The following ETS1 variants were observed in gnomAD, a reference collection of about 807,000 sequenced individuals.
ETS1 encodes ETS proto-oncogene 1, transcription factor.
In ETS1, 15 loss-of-function variants were observed where a neutral mutation model predicts 58.6. That is an observed-to-expected ratio of 0.26 (90% confidence interval 0.17 to 0.39). ETS1 has a LOEUF of 0.39. ETS1 is among the 10% of genes least tolerant of loss of function. ETS1 has a pLI of 1.00. For missense variants in ETS1, 417 were observed against 610.5 expected, an observed-to-expected ratio of 0.68 and a Z score of 3.34; for synonymous variants, 214 against 218.2, an observed-to-expected ratio of 0.98 and a Z score of 0.17.
chr11:128,567,065 G>A (rs974680203), intron 2 of ETS1, among the ~76,000 whole-genome samples: 1 of 152,220 alleles, frequency 6.6e-6, no homozygotes, highest in Non-Finnish European at 1.5e-5. Context: ...GTACAAAAGA[G>A]GAATTGCCCA....
At chr11:128,508,840 T>C (rs1863312022) in intron 3 of ETS1, among the ~76,000 whole-genome samples, 1 of 152,172 alleles carries the variant, frequency 6.6e-6, no homozygotes. Context: ...GCACCAGCTT[T>C]TGGAAATTCA....
At chr11:128,491,325 C>T (rs1688022185) in intron 3 of ETS1, among the ~76,000 whole-genome samples, 1 of 151,980 alleles carries the variant, frequency 6.6e-6, no homozygotes, top group South Asian at 2.1e-4. Flanking sequence ...CTGATTCTTG[C>T]AGTAGATTCA....
intron 3 of ETS1, among the ~76,000 whole-genome samples, chr11:128,541,868 T>C (rs916549243): frequency 4.0e-4 from 61 of 152,188 alleles, no homozygotes; most frequent in African/African-American, 1.4e-3. Flanking sequence ...ATACAGGTAT[T>C]CACCAGTATC....
chr11:128,534,879 A>G (rs1424945740), intron 3 of ETS1, among the ~76,000 whole-genome samples: 1 of 152,232 alleles, frequency 6.6e-6, no homozygotes, highest in East Asian at 1.9e-4. Context: ...TATTGCTGCA[A>G]TGAACATACG....
chr11:128,530,478 A>G (rs1369960186), intron 3 of ETS1: 1 of 152,276 alleles, frequency 6.6e-6, no homozygotes, highest in African/African-American at 2.4e-5. Context: ...GTGAGAGGTA[A>G]TGACAGGTAA....
At position 128,462,105 on chromosome 11, in the gene ETS1, C is replaced by T. The variant is rs1317140772; in HGVS notation, c.*256G>A. 4.1e-6 allele frequency: 2 copies of T among 483,558 alleles called. No homozygotes were observed. Among genetic ancestry groups the T allele is most frequent in the African/African-American group, 1.9e-5 (1 of 52,272 alleles). The allele number at this position is 483,558 out of a possible 1,614,324, so 30.0% of individuals were successfully genotyped here. ...TCTCTGTTAAGCCAGAGCCTTCAAG[C>T]TTCTGAGAAGGCCCTTCTCCCTCTC... On this transcript the variant is annotated 3_prime_UTR_variant, in exon 10 of 10. Coordinates refer to ENST00000392668, the MANE Select transcript of ETS1 (RefSeq NM_001143820.2).
chr11:128,577,921 A>C (rs1221569100), intron 1 of ETS1, among the ~76,000 whole-genome samples: 2 of 151,846 alleles, frequency 1.3e-5, no homozygotes, highest in Non-Finnish European at 2.9e-5. Context: ...AAGCCAAAAA[A>C]AAAAAAAAGA....
At chr11:128,485,107 G>C in intron 6 of ETS1, 36 bp from the exon 7 acceptor site, 4 of 1,585,984 alleles carry the variant, frequency 2.5e-6, no homozygotes, top group Non-Finnish European at 3.4e-6. Flanking sequence ...AGAGAGGAGA[G>C]ATTTGTACCT....
chr11:128,536,819 A>G (rs1863979456), intron 3 of ETS1: 1 of 152,242 alleles, frequency 6.6e-6, no homozygotes, highest in Non-Finnish European at 1.5e-5. Flanking sequence ...CAATTAGCAG[A>G]CATTCATTTC....
In ETS1 at chr11:128,553,098, C is replaced by T. The variant is rs1864257799; in HGVS notation, c.214+3193G>A. ...TCTTGTGTAAGAGGCTCCATTGATT[C>T]ACAAGGTTCCCTAACAGAAGGATGA... On this transcript the variant is annotated intron_variant, in intron 3 of 9. Coordinates refer to ENST00000392668, the MANE Select transcript of ETS1 (RefSeq NM_001143820.2). Among the ~76,000 whole-genome samples, 3 of 152,132 alleles carry T rather than the reference C, an allele frequency of 2.0e-5. No homozygotes were observed. In the South Asian group the frequency reaches 6.2e-4, roughly 32 times the overall value.
At chr11:128,483,602 G>C (rs1382185695) in intron 7 of ETS1, among the ~76,000 whole-genome samples, 1 of 152,206 alleles carries the variant, frequency 6.6e-6, no homozygotes, top group Admixed American at 6.5e-5. Context: ...AACACCCTGG[G>C]GCCTTAAGAA....
chr11:128,484,072 G>A (rs1213507334), intron 7 of ETS1, among the ~76,000 whole-genome samples: 1 of 152,170 alleles, frequency 6.6e-6, no homozygotes, highest in African/African-American at 2.4e-5. Context: ...TTTATGTCCT[G>A]TTCCTAAAAA....
chr11:128,529,814 A>G (rs976535227), intron 3 of ETS1, among the ~76,000 whole-genome samples: 6 of 152,184 alleles, frequency 3.9e-5, no homozygotes, highest in African/African-American at 7.2e-5. Flanking sequence ...GCATCCTTCA[A>G]TGAGCAGCAT....
chr11:128,540,098 G>A (rs921452282), intron 3 of ETS1, among the ~76,000 whole-genome samples: 3 of 152,130 alleles, frequency 2.0e-5, no homozygotes, highest in African/African-American at 4.8e-5. Context: ...GATCACCTGA[G>A]GTCAGGAGTT....
Position 128,459,259 on chromosome 11 carries a change from G to A in ETS1, c.*3102C>T, listed in dbSNP as rs908486445. 7 of 152,214 alleles carry A rather than the reference G, an allele frequency of 4.6e-5. No homozygotes were observed. The highest frequency in any genetic ancestry group is 1.7e-4 in the African/African-American group (7 of 41,304). 9.4% of individuals were successfully genotyped at this position (152,214 alleles called of 1,614,324 possible). ...TTCCTTGAAACTTCTTTGGAATGTA[G>A]GTAAGAGTTCAACAAATTTATATAG... On this transcript the variant is annotated 3_prime_UTR_variant, in exon 10 of 10. Transcript: ENST00000392668.
intron 3 of ETS1, among the ~76,000 whole-genome samples, chr11:128,519,891 T>C (rs370584658): frequency 1.3e-5 from 2 of 152,192 alleles, no homozygotes; most frequent in Non-Finnish European, 2.9e-5. Context: ...TTATAGTCTA[T>C]ATATTTTTTC....
At chr11:128,573,513 G>A (rs982842438) in intron 1 of ETS1, among the ~76,000 whole-genome samples, 1 of 152,186 alleles carries the variant, frequency 6.6e-6, no homozygotes. Flanking sequence ...AGATAAGTAG[G>A]CATACAATAC....
At chr11:128,480,549 T>C in intron 7 of ETS1, 98 bp from the exon 8 acceptor site, 2 of 806,032 alleles carry the variant, frequency 2.5e-6, no homozygotes, top group Non-Finnish European at 4.1e-6. Context: ...AGATTGCTAA[T>C]CAGATCTGCA....
At chr11:128,584,801 T>C (rs371933150) in intron 1 of ETS1, among the ~76,000 whole-genome samples, 84 of 150,372 alleles carry the variant, frequency 5.6e-4, no homozygotes, top group African/African-American at 2.0e-3. Context: ...CCACATTAAT[T>C]TTGCTCAAAT....
Sources: allele counts gnomAD v4.1 joint callset (sites outside exome capture counted in the v4.1 genomes callset), GRCh38; gene constraint gnomAD v4.1.1; transcripts MANE v1.5; gene names NCBI Gene and HGNC (gene_info 2026-07-23, HGNC 2026-07-21).